Variants in NPSR1 observed in about 807,000 individuals in gnomAD.
NPSR1 encodes neuropeptide S receptor.
A neutral mutation model predicts 46.9 loss-of-function variants in NPSR1; 48 were observed. The ratio of observed to expected loss-of-function variants is 1.02; its 90% CI spans 0.81 to 1.30. NPSR1 has a LOEUF of 1.30. NPSR1 is among the 50% of genes most tolerant of loss of function. The pLI, the probability that NPSR1 is intolerant of heterozygous loss-of-function variation, is 0.00. For missense variants in NPSR1, 450 were observed against 449.5 expected (o/e 1.00, Z -0.01); for synonymous variants, 176 against 168.1 (o/e 1.05, Z -0.36).
chr7:34,821,653 C>T (rs1789565104), intron 4 of NPSR1, among the ~76,000 whole-genome samples: 2 of 152,190 alleles, frequency 1.3e-5, no homozygotes, highest in South Asian at 2.1e-4. Context: ...ACATGTTTCA[C>T]CATATTCACT....
At chr7:34,848,420 C>A in intron 7 of NPSR1, 63 bp from the exon 8 acceptor site, 3 of 1,471,378 alleles carry the variant, frequency 2.0e-6, no homozygotes, top group East Asian at 2.3e-5. Flanking sequence ...CCAGTCAGGA[C>A]CAACCAAAAG....
intron 8 of NPSR1, among the ~76,000 whole-genome samples, chr7:34,849,029 A>G (rs1035991735): frequency 3.9e-5 from 6 of 152,248 alleles, no homozygotes; most frequent in Admixed American, 2.0e-4. Context: ...TAAATCTTAC[A>G]TGGTTAATAG....
chr7:34,860,901 C>A (rs1791178222), intron 8 of NPSR1, among the ~76,000 whole-genome samples: 1 of 151,912 alleles, frequency 6.6e-6, no homozygotes, highest in Non-Finnish European at 1.5e-5. Flanking sequence ...AAGACTGATT[C>A]TTCAAAGAAA....
At chr7:34,820,357 T>C (rs1356642845) in intron 4 of NPSR1, among the ~76,000 whole-genome samples, 1 of 152,190 alleles carries the variant, frequency 6.6e-6, no homozygotes, top group Non-Finnish European at 1.5e-5. Context: ...TTCTTCTCGG[T>C]CATTTGGTGT....
intron 3 of NPSR1, among the ~76,000 whole-genome samples, chr7:34,784,027 GA>G (rs372799406): frequency 4.8e-5 from 7 of 146,924 alleles, no homozygotes; most frequent in South Asian, 2.2e-4. Flanking sequence ...CAAGCTAAAG[GA>G]AAAAAAAAAG....
At chr7:34,708,821 T>C (rs1431520698) in intron 2 of NPSR1, among the ~76,000 whole-genome samples, 3 of 152,174 alleles carry the variant, frequency 2.0e-5, no homozygotes, top group Non-Finnish European at 4.4e-5. Context: ...ATCAAATAAA[T>C]TGCAATTGTG....
chr7:34,855,696 A>G (rs373537336), intron 8 of NPSR1, among the ~76,000 whole-genome samples: 134 of 152,270 alleles, frequency 8.8e-4, no homozygotes, highest in African/African-American at 3.1e-3. Flanking sequence ...TCAATATCAA[A>G]TGCTACAAAG....
intron 2 of NPSR1, among the ~76,000 whole-genome samples, chr7:34,733,236 A>T (rs1784511179): frequency 6.6e-6 from 1 of 152,096 alleles, no homozygotes; most frequent in African/African-American, 2.4e-5. Flanking sequence ...CCTGGCCAAC[A>T]TGGTGAAACC....
At chr7:34,709,233 A>T (rs1306029891) in intron 2 of NPSR1, among the ~76,000 whole-genome samples, 1 of 152,206 alleles carries the variant, frequency 6.6e-6, no homozygotes, top group Non-Finnish European at 1.5e-5. Flanking sequence ...GTGACAAAAT[A>T]CAGCTACCAC....
chr7:34,767,626 T>C (rs764585740), intron 2 of NPSR1, among the ~76,000 whole-genome samples: 10 of 152,128 alleles, frequency 6.6e-5, no homozygotes, highest in Non-Finnish European at 1.3e-4. Context: ...TTAAAAATGA[T>C]GGGACAATAT....
At chr7:34,785,122 G>T (rs1787400424) in intron 3 of NPSR1, among the ~76,000 whole-genome samples, 1 of 151,624 alleles carries the variant, frequency 6.6e-6, no homozygotes, top group Non-Finnish European at 1.5e-5. Flanking sequence ...CAAAGACTTG[G>T]AACCAACCCA....
At chr7:34,778,758 C>G (rs1408494688) in intron 3 of NPSR1, among the ~76,000 whole-genome samples, 193 bp downstream of exon 3, 2 of 152,040 alleles carry the variant, frequency 1.3e-5, no homozygotes, top group Non-Finnish European at 2.9e-5. Flanking sequence ...ATAAAGAAAA[C>G]ACAAACGAGC....
chr7:34,763,302 C>A (rs556126968), intron 2 of NPSR1, among the ~76,000 whole-genome samples: 122 of 152,206 alleles, frequency 8.0e-4, no homozygotes, highest in African/African-American at 2.8e-3. Context: ...CTTCATTGAA[C>A]GAGATGATTA....
intron 5 of NPSR1, among the ~76,000 whole-genome samples, chr7:34,829,275 T>A (rs1790008568): frequency 1.3e-5 from 2 of 152,198 alleles, no homozygotes; most frequent in Non-Finnish European, 2.9e-5. Context: ...CAGCAGCCTT[T>A]CCAAAATGGG....
intron 8 of NPSR1, among the ~76,000 whole-genome samples, chr7:34,869,324 G>A (rs994416711): frequency 2.0e-5 from 3 of 151,830 alleles, no homozygotes; most frequent in African/African-American, 7.3e-5. Context: ...TAAAGGCCCA[G>A]TCATTCACAG....
intron 3 of NPSR1, among the ~76,000 whole-genome samples, chr7:34,804,955 A>G (rs918210465): frequency 6.6e-6 from 1 of 152,014 alleles, no homozygotes; most frequent in South Asian, 2.1e-4. Context: ...ACACCAAAAA[A>G]TGAAACTTAG....
At chr7:34,852,512 G>T (rs943791135), downstream of NPSR1, among the ~76,000 whole-genome samples, 3 of 152,146 alleles carry the variant, frequency 2.0e-5, no homozygotes, top group Admixed American at 2.0e-4. Flanking sequence ...GAATCTCTGA[G>T]ATTGTGTCCA....
chr7:34,749,574 T>C (rs1785399399), intron 2 of NPSR1, among the ~76,000 whole-genome samples: 1 of 152,224 alleles, frequency 6.6e-6, no homozygotes, highest in South Asian at 2.1e-4. Context: ...ATAATGACTA[T>C]ATCATAGGCC....
chr7:34,773,922 G>A (rs1786812419), intron 2 of NPSR1, among the ~76,000 whole-genome samples: 1 of 152,080 alleles, frequency 6.6e-6, no homozygotes, highest in African/African-American at 2.4e-5. Context: ...TTCACACATT[G>A]TGCCCACTCC....
Sources: allele counts gnomAD v4.1 joint callset (sites outside exome capture counted in the v4.1 genomes callset), GRCh38; gene constraint gnomAD v4.1.1; transcripts MANE v1.5; gene names NCBI Gene and HGNC (gene_info 2026-07-23, HGNC 2026-07-21).